Variants in TMPRSS15 observed in about 807,000 individuals in gnomAD.
TMPRSS15 encodes the protein enteropeptidase.
A neutral mutation model predicts 125.3 loss-of-function variants in TMPRSS15; 128 were observed. The observed-to-expected ratio is 1.02, with a 90% CI of 0.89 to 1.18. The LOEUF is 1.18. TMPRSS15 is among the 50% of genes most tolerant of loss of function. The probability of loss-of-function intolerance (pLI) is 0.00; values close to 1 mark genes in which losing one functional copy is unlikely to be tolerated. For synonymous variants in TMPRSS15, 446 were observed against 423.2 expected, an observed-to-expected ratio of 1.05 and a Z score of -0.66; for missense variants, 1,283 against 1,212.7, an observed-to-expected ratio of 1.06 and a Z score of -0.86.
rs191149046 is a variant in TMPRSS15 at position 18,365,503 on chromosome 21, G to C, written c.665-255C>G. 5.5e-4 allele frequency among the ~76,000 whole-genome samples: 74 copies of C among 135,010 alleles called. No homozygotes were observed. In the East Asian group the frequency reaches 1.0e-2, roughly 18 times the overall value. 88.6% of individuals were successfully genotyped at this position (135,010 alleles called of 152,430 possible). A position where few individuals can be genotyped will look rare whatever the true frequency, so the allele number is the denominator to read the frequency against. On this transcript the variant is annotated intron_variant, in intron 6 of 24. Transcript: ENST00000284885. ...CTTTCTTTCTCCTTCCTTTTCCCTT[G>C]CTTCCTTCCTTCCTTCCCTCCCTCC...
At chr21:18,394,978 T>G (rs2076021812) in intron 3 of TMPRSS15, among the ~76,000 whole-genome samples, 1 of 152,300 alleles carries the variant, frequency 6.6e-6, no homozygotes, top group East Asian at 1.9e-4. Flanking sequence ...ATAAAAAGAT[T>G]GTAAACTTAG....
intron 3 of TMPRSS15, among the ~76,000 whole-genome samples, chr21:18,390,992 T>C (rs2075985637): frequency 6.6e-6 from 1 of 152,030 alleles, no homozygotes; most frequent in African/African-American, 2.4e-5. Context: ...TATGAAACCA[T>C]CAGATCTCAT....
chr21:18,431,030 G>A (rs1383373319), intron 1 of TMPRSS15, among the ~76,000 whole-genome samples: 1 of 152,126 alleles, frequency 6.6e-6, no homozygotes, highest in East Asian at 1.9e-4. Flanking sequence ...GCAATCCATA[G>A]GAAGGAACTC....
intron 10 of TMPRSS15, among the ~76,000 whole-genome samples, chr21:18,348,410 T>G (rs943524046): frequency 2.0e-5 from 3 of 152,066 alleles, no homozygotes; most frequent in Non-Finnish European, 4.4e-5. Context: ...ACTGGAGAGA[T>G]AGTAGAACTT....
intron 7 of TMPRSS15, among the ~76,000 whole-genome samples, chr21:18,363,171 A>C (rs1255514148): frequency 6.6e-6 from 1 of 152,166 alleles, no homozygotes; most frequent in Non-Finnish European, 1.5e-5. Context: ...TATAATAATC[A>C]ACTTTGAGAA....
At chr21:18,399,934 T>C (rs1004244111) in intron 1 of TMPRSS15, among the ~76,000 whole-genome samples, 2 of 152,050 alleles carry the variant, frequency 1.3e-5, no homozygotes, top group Non-Finnish European at 1.5e-5. Flanking sequence ...ATACGCTAAA[T>C]ACATTCAAGC....
chr21:18,481,469 TTA>T (rs1427127290), intron 1 of TMPRSS15, among the ~76,000 whole-genome samples: 1 of 151,814 alleles, frequency 6.6e-6, no homozygotes, highest in Non-Finnish European at 1.5e-5. Flanking sequence ...GTAAAACAAT[TTA>T]TGTTGCTATG....
At chr21:18,338,512 G>A (rs1305788661) in intron 13 of TMPRSS15, among the ~76,000 whole-genome samples, 2 of 151,880 alleles carry the variant, frequency 1.3e-5, no homozygotes, top group African/African-American at 4.8e-5. Flanking sequence ...GTAGGGTGTG[G>A]GTCACCTACA....
At position 18,294,341 on chromosome 21, in the gene TMPRSS15, G is replaced by C. The variant is rs771901034; in HGVS notation, c.2415C>G (p.Gly805=). 1.2e-6 allele frequency: 2 copies of C among 1,614,234 alleles called. No individual in the cohort carries two copies. The highest frequency in any genetic ancestry group is 1.7e-5 in the Admixed American group (1 of 60,022). ...AWPWVVGLYY[G]GRLLCGASLV... ...GAGATGCGCCGCAGAGCAGTCGGCC[G>C]CCATAATACAGACCCACAACCCAGG... is the stretch of plus-strand genomic sequence containing the variant. The change falls in exon 21 of 25, where the codon GGC becomes GGG. Residue 805 remains glycine (G), a synonymous_variant. Coordinates refer to ENST00000284885, the MANE Select transcript of TMPRSS15 (RefSeq NM_002772.3).
Position 18,269,962 on chromosome 21 carries a change from A to G in TMPRSS15, c.*7T>C. ...ATGCGACTTTCCTGTTTAGTTTAAG[A>G]AATGCGCTAATGTAGAAAACTTTGT... On this transcript the variant is annotated 3_prime_UTR_variant, in exon 25 of 25. Transcript: ENST00000284885. The G allele has an allele frequency of 1.2e-6, 2 of 1,613,628 alleles. No homozygotes were observed. Among genetic ancestry groups the G allele is most frequent in the Non-Finnish European group, 1.7e-6 (2 of 1,179,714 alleles).
chr21:18,372,872 T>C (rs907675094), intron 5 of TMPRSS15, among the ~76,000 whole-genome samples: 1 of 152,246 alleles, frequency 6.6e-6, no homozygotes, highest in African/African-American at 2.4e-5. Context: ...TGCCCCACTT[T>C]CATAAACTTA....
At chr21:18,439,769 C>A (rs923764025) in intron 1 of TMPRSS15, among the ~76,000 whole-genome samples, 1 of 152,132 alleles carries the variant, frequency 6.6e-6, no homozygotes, top group African/African-American at 2.4e-5. Flanking sequence ...CAGAAAATTA[C>A]AGCACAAAGA....
At chr21:18,379,473 G>T (rs1234988530) in intron 4 of TMPRSS15, among the ~76,000 whole-genome samples, 155 bp from the exon 5 acceptor site, 5 of 151,884 alleles carry the variant, frequency 3.3e-5, no homozygotes, top group East Asian at 1.9e-4. Flanking sequence ...TTTGTATTTG[G>T]ATTTAAAAAT....
chr21:18,467,615 T>C (rs1193170022), intron 1 of TMPRSS15, among the ~76,000 whole-genome samples: 1 of 151,936 alleles, frequency 6.6e-6, no homozygotes, highest in Admixed American at 6.6e-5. Context: ...AAAAATGTTT[T>C]AGGGAAGAGA....
At chr21:18,321,349 CTTTTTTTTTT>C (rs751011766) in intron 16 of TMPRSS15, among the ~76,000 whole-genome samples, 1 of 100,596 alleles carries the variant, frequency 9.9e-6, no homozygotes, top group African/African-American at 4.1e-5. Context: ...TTTTTTCCTT[CTTTTTTTTTT>C]TTTTTTTTTT....
intron 3 of TMPRSS15, among the ~76,000 whole-genome samples, chr21:18,389,008 G>C (rs2075968734): frequency 2.0e-5 from 3 of 151,294 alleles, no homozygotes; most frequent in Non-Finnish European, 4.4e-5. Context: ...GGCAGCTCCT[G>C]GGATTAAGAT....
At chr21:18,478,371 G>T (rs1388638441) in intron 1 of TMPRSS15, among the ~76,000 whole-genome samples, 1 of 152,034 alleles carries the variant, frequency 6.6e-6, no homozygotes, top group African/African-American at 2.4e-5. Flanking sequence ...ATATCAGATT[G>T]TTTAAGACAA....
At chr21:18,460,275 G>A (rs1601470324) in intron 1 of TMPRSS15, among the ~76,000 whole-genome samples, 1 of 151,926 alleles carries the variant, frequency 6.6e-6, no homozygotes, top group African/African-American at 2.4e-5. Context: ...CTTAGCAGTA[G>A]GTTTTTTTTT....
chr21:18,280,575 C>CAAAAAAAAAAAAA (rs1230513414), intron 22 of TMPRSS15, among the ~76,000 whole-genome samples: 1,705 of 48,116 alleles, frequency 0.035, 38 homozygotes, highest in Non-Finnish European at 0.057. Flanking sequence ...GACTCCGTCT[C>CAAAAAAAAAAAAA]AAAAAAAAAA....
Sources: gnomAD v4.1 joint callset for allele counts (sites outside exome capture counted in the v4.1 genomes callset) on GRCh38, gnomAD v4.1.1 for gene constraint, MANE v1.5 for transcripts, NCBI Gene and HGNC (gene_info 2026-07-23, HGNC 2026-07-21) for gene names.